The following IMPG1 variants were observed in gnomAD, a reference collection of about 807,000 sequenced individuals.
The protein encoded by IMPG1 is interphotoreceptor matrix proteoglycan of 150 kDa.
IMPG1 carries 85 observed loss-of-function variants against 92.0 expected under a neutral mutation model. That is an observed-to-expected ratio of 0.92 (90% CI 0.78 to 1.11). IMPG1 has a LOEUF of 1.11. Ranked by LOEUF, IMPG1 falls within the 50% of genes least tolerant of loss-of-function variation. The pLI is 0.00. For synonymous variants in IMPG1, 367 were observed against 334.1 expected, an observed-to-expected ratio of 1.10 and a Z score of -1.08; for missense variants, 1,022 against 956.0, an observed-to-expected ratio of 1.07 and a Z score of -0.91.
intron 12 of IMPG1, among the ~76,000 whole-genome samples, chr6:76,000,718 A>T (rs1582095610): frequency 6.6e-6 from 1 of 152,294 alleles, no homozygotes; most frequent in South Asian, 2.1e-4. Flanking sequence ...TGCTAAATTG[A>T]TCAATTAGGA....
At chr6:75,930,372 A>G (rs1470063387) in intron 15 of IMPG1, among the ~76,000 whole-genome samples, 1 of 152,234 alleles carries the variant, frequency 6.6e-6, no homozygotes, top group African/African-American at 2.4e-5. Context: ...ATTCCTTATA[A>G]ATCAATTGTA....
chr6:76,005,286 C>T lies in IMPG1; in HGVS notation c.1135+1G>A, dbSNP rs948462298. On this transcript the variant is annotated splice_donor_variant, in intron 10 of 16. Coordinates refer to ENST00000369950, the MANE Select transcript of IMPG1 (RefSeq NM_001563.4). LOFTEE classifies it high-confidence loss of function. ...TCAGAACTAAGCAATCATTAACTGA[C>T]CATCAGTGAACTGAATTGTCCCCAC... is the stretch of plus-strand genomic sequence containing the variant. 2 of 1,613,750 alleles carry T rather than the reference C, an allele frequency of 1.2e-6. No homozygotes were observed. Among genetic ancestry groups the T allele is most frequent in the Non-Finnish European group, 8.5e-7 (1 of 1,179,748 alleles).
intron 4 of IMPG1, among the ~76,000 whole-genome samples, chr6:76,028,552 G>A (rs896325295): frequency 7.9e-5 from 12 of 152,186 alleles, no homozygotes; most frequent in South Asian, 4.1e-4. Flanking sequence ...AGTAAGGGCC[G>A]GACACGGTGG....
intron 12 of IMPG1, among the ~76,000 whole-genome samples, chr6:75,997,686 T>C (rs371090259): frequency 6.6e-6 from 1 of 152,244 alleles, no homozygotes; most frequent in East Asian, 1.9e-4. Flanking sequence ...ATAGTACTGA[T>C]AGGCCCAACA....
chr6:76,010,633 G>A (rs541374450), intron 8 of IMPG1, among the ~76,000 whole-genome samples: 32 of 152,188 alleles, frequency 2.1e-4, no homozygotes, highest in Admixed American at 2.0e-3. Flanking sequence ...GACATAAAAG[G>A]TATATTTTAG....
chr6:75,951,617 T>C (rs1339408117), intron 12 of IMPG1, among the ~76,000 whole-genome samples: 1 of 152,232 alleles, frequency 6.6e-6, no homozygotes, highest in Non-Finnish European at 1.5e-5. Context: ...TAATGATGTT[T>C]TGGTATTTTT....
Position 75,960,710 on chromosome 6 carries a change from GA to G in IMPG1, c.1292-9617del, listed in dbSNP as rs545774868. ...AATCATGTTTTCATCTAATTCATAT[GA>G]AAAAATTAGACATAGTAGTGACACA... On this transcript the variant is annotated intron_variant, in intron 12 of 16. Transcript: ENST00000369950. 1.1e-4 allele frequency among the ~76,000 whole-genome samples: 17 copies of G among 152,246 alleles called. No homozygotes were observed. The South Asian group carries it at 3.5e-3, about 32-fold the overall frequency.
rs527515806 is a variant in IMPG1 at position 76,061,483 on chromosome 6, T to A, written c.67+10939A>T. 2.9e-4 allele frequency among the ~76,000 whole-genome samples: 44 copies of A among 152,310 alleles called. No homozygotes were observed. In the South Asian group the frequency reaches 8.9e-3, roughly 31 times the overall value. On this transcript the variant is annotated intron_variant, in intron 1 of 16. Transcript: ENST00000369950. Reference sequence around the variant, plus strand: ...GCAAAATACCTTTTGTGTAATTTCATGAAATGAGAGCATACACCAATAGTA... The same window carrying A: ...GCAAAATACCTTTTGTGTAATTTCAAGAAATGAGAGCATACACCAATAGTA...
chr6:75,923,754 A>G (rs779862876), intron 15 of IMPG1, 48 bp from the exon 16 acceptor site: 13 of 1,032,602 alleles, frequency 1.3e-5, no homozygotes. Flanking sequence ...GGGCTTATCA[A>G]CATTAATAGT....
At chr6:75,990,944 C>A (rs1401141020) in intron 12 of IMPG1, among the ~76,000 whole-genome samples, 1 of 152,186 alleles carries the variant, frequency 6.6e-6, no homozygotes, top group African/African-American at 2.4e-5. Flanking sequence ...AGAACTACTT[C>A]TCTGATTAAA....
chr6:76,024,501 T>G lies in IMPG1; in HGVS notation c.562+693A>C, dbSNP rs184250732. On this transcript the variant is annotated intron_variant, in intron 5 of 16. Coordinates refer to ENST00000369950, the MANE Select transcript of IMPG1 (RefSeq NM_001563.4). ...GATTTTCCTCTGCCTTTTGGCAAAC[T>G]CTAGAATAAATAGTAATATTCAATA... Among the ~76,000 whole-genome samples the G allele has an allele frequency of 3.3e-5, 5 of 152,286 alleles. No homozygotes were observed. The East Asian group carries it at 9.6e-4, about 29-fold the overall frequency.
At chr6:75,988,192 A>G (rs1782753604) in intron 12 of IMPG1, among the ~76,000 whole-genome samples, 1 of 152,224 alleles carries the variant, frequency 6.6e-6, no homozygotes, top group Non-Finnish European at 1.5e-5. Flanking sequence ...TTGAGGAATC[A>G]CCACACTGTC....
At chr6:76,013,081 T>C (rs1783218204) in intron 7 of IMPG1, among the ~76,000 whole-genome samples, 1 of 152,098 alleles carries the variant, frequency 6.6e-6, no homozygotes, top group South Asian at 2.1e-4. Flanking sequence ...TGTGTGTGAG[T>C]GGGCAGAGAA....
chr6:75,962,877 C>G (rs956685686), intron 12 of IMPG1, among the ~76,000 whole-genome samples: 2 of 151,894 alleles, frequency 1.3e-5, no homozygotes, highest in African/African-American at 4.8e-5. Context: ...CCCAACTCTA[C>G]TAAAAATACA....
intron 14 of IMPG1, among the ~76,000 whole-genome samples, chr6:75,945,270 A>G (rs1781905422): frequency 6.6e-6 from 1 of 152,134 alleles, no homozygotes; most frequent in Non-Finnish European, 1.5e-5. Context: ...GAATTTGTCA[A>G]GTGCTATATT....
chr6:76,024,150 A>G (rs1287446718), intron 5 of IMPG1, among the ~76,000 whole-genome samples: 1 of 152,152 alleles, frequency 6.6e-6, no homozygotes, highest in African/African-American at 2.4e-5. Flanking sequence ...TCAGTCCAGA[A>G]ATGATAAATT....
intron 4 of IMPG1, among the ~76,000 whole-genome samples, chr6:76,031,291 A>T (rs917583179): frequency 1.8e-4 from 27 of 152,374 alleles, no homozygotes; most frequent in Admixed American, 1.7e-3. Context: ...TCTGTGGCTC[A>T]TGATGATGGG....
intron 1 of IMPG1, among the ~76,000 whole-genome samples, chr6:76,051,830 C>G (rs769856583): frequency 6.6e-6 from 1 of 151,888 alleles, no homozygotes; most frequent in Non-Finnish European, 1.5e-5. Context: ...TCTCTTCTTG[C>G]AAAAATCAGG....
At chr6:75,945,557 G>T (rs1285131737) in intron 14 of IMPG1, among the ~76,000 whole-genome samples, 1 of 151,944 alleles carries the variant, frequency 6.6e-6, no homozygotes, top group African/African-American at 2.4e-5. Flanking sequence ...TGCCATTTTG[G>T]CCAGGCTGAT....
Sources: allele counts gnomAD v4.1 joint callset (sites outside exome capture counted in the v4.1 genomes callset), GRCh38; gene constraint gnomAD v4.1.1; transcripts MANE v1.5; gene names NCBI Gene and HGNC (gene_info 2026-07-23, HGNC 2026-07-21).